NKAIN3: variants seen among roughly 807,000 people sequenced by gnomAD.
The protein encoded by NKAIN3 is sodium/potassium-transporting ATPase subunit beta-1-interacting protein 3.
NKAIN3 carries 25 observed loss-of-function variants against 30.2 expected under a neutral mutation model. The ratio of observed to expected loss-of-function variants is 0.83; its 90% CI spans 0.60 to 1.16. The LOEUF (loss-of-function observed/expected upper bound fraction) is 1.16, where lower values mean the gene tolerates loss of function less well. Ranked by LOEUF, NKAIN3 falls within the 50% of genes most tolerant of loss-of-function variation. The probability of loss-of-function intolerance (pLI) is 0.00; values close to 1 mark genes in which losing one functional copy is unlikely to be tolerated. For missense variants in NKAIN3, 225 were observed against 254.1 expected, an observed-to-expected ratio of 0.89 and a Z score of 0.78; for synonymous variants, 91 against 89.6, an observed-to-expected ratio of 1.02 and a Z score of -0.09.
intron 6 of NKAIN3, among the ~76,000 whole-genome samples, chr8:62,963,320 TC>T (rs1412245126): frequency 6.6e-6 from 1 of 152,212 alleles, no homozygotes; most frequent in Non-Finnish European, 1.5e-5. Flanking sequence ...CAGACATGTT[TC>T]CCAGCTCCTG....
intron 1 of NKAIN3, among the ~76,000 whole-genome samples, chr8:62,408,404 TTTACTCTCACC>T (rs1804142462): frequency 6.6e-6 from 1 of 152,130 alleles, no homozygotes; most frequent in Non-Finnish European, 1.5e-5. Flanking sequence ...AACTGGTGAT[TTTACTCTCACC>T]TGTAGAGTAT....
chr8:62,756,069 A>AT (rs1303724858), intron 4 of NKAIN3, among the ~76,000 whole-genome samples: 9 of 152,292 alleles, frequency 5.9e-5, no homozygotes, highest in African/African-American at 1.9e-4. Context: ...ATGTGTATAC[A>AT]TTTTTGTCAG....
At chr8:62,340,241 G>A (rs1186814948) in intron 1 of NKAIN3, among the ~76,000 whole-genome samples, 3 of 151,972 alleles carry the variant, frequency 2.0e-5, no homozygotes, top group African/African-American at 7.2e-5. Flanking sequence ...GGCAGGGGAA[G>A]GCAGCCAGGA....
At chr8:62,646,589 A>G (rs1444455968) in intron 3 of NKAIN3, among the ~76,000 whole-genome samples, 1 of 152,158 alleles carries the variant, frequency 6.6e-6, no homozygotes, top group Admixed American at 6.6e-5. Flanking sequence ...TCCACTTTGA[A>G]CAGGCTTAGC....
At chr8:62,777,923 A>G (rs1817237921) in intron 4 of NKAIN3, among the ~76,000 whole-genome samples, 1 of 152,172 alleles carries the variant, frequency 6.6e-6, no homozygotes, top group African/African-American at 2.4e-5. Context: ...ATTAGGAGAC[A>G]TTCCAAGCCC....
At chr8:62,416,863 G>A (rs539441565) in intron 1 of NKAIN3, among the ~76,000 whole-genome samples, 37 of 151,698 alleles carry the variant, frequency 2.4e-4, no homozygotes, top group South Asian at 1.9e-3. Flanking sequence ...GCATGGTGGC[G>A]CACCAGTAAT....
intron 3 of NKAIN3, among the ~76,000 whole-genome samples, chr8:62,708,362 G>C (rs940035970): frequency 6.6e-6 from 1 of 152,050 alleles, no homozygotes; most frequent in African/African-American, 2.4e-5. Context: ...ATGAGCATGG[G>C]ATGTGTTTCC....
At chr8:62,935,032 C>T (rs966373356) in intron 5 of NKAIN3, among the ~76,000 whole-genome samples, 24 of 152,086 alleles carry the variant, frequency 1.6e-4, no homozygotes, top group African/African-American at 5.6e-4. Flanking sequence ...TCCTAAGAGA[C>T]CTTTATGCAG....
chr8:62,404,088 C>T (rs1585769827), intron 1 of NKAIN3, among the ~76,000 whole-genome samples: 2 of 152,274 alleles, frequency 1.3e-5, no homozygotes, highest in South Asian at 2.1e-4. Context: ...TCACATGGGG[C>T]CCGTAGCCCC....
At chr8:62,853,230 A>G (rs1188821187) in intron 4 of NKAIN3, among the ~76,000 whole-genome samples, 1 of 151,904 alleles carries the variant, frequency 6.6e-6, no homozygotes, top group Admixed American at 6.6e-5. Flanking sequence ...GTCTCTTTTG[A>G]TCTTTGTTGG....
At chr8:62,436,453 CAG>C (rs1805177178) in intron 1 of NKAIN3, among the ~76,000 whole-genome samples, 1 of 152,112 alleles carries the variant, frequency 6.6e-6, no homozygotes. Context: ...TTGAATGAGA[CAG>C]AGTAAAGCTG....
At chr8:62,462,077 G>A (rs1437792741) in intron 1 of NKAIN3, among the ~76,000 whole-genome samples, 1 of 152,150 alleles carries the variant, frequency 6.6e-6, no homozygotes, top group Non-Finnish European at 1.5e-5. Flanking sequence ...TTTGAAAGGA[G>A]CAAAATAAAG....
intron 5 of NKAIN3, among the ~76,000 whole-genome samples, chr8:62,923,784 C>T (rs965500455): frequency 9.2e-5 from 14 of 152,116 alleles, no homozygotes; most frequent in Non-Finnish European, 1.6e-4. Flanking sequence ...GTAACCTCGG[C>T]CACCCCACAC....
intron 5 of NKAIN3, among the ~76,000 whole-genome samples, chr8:62,944,404 C>T (rs1038882692): frequency 3.3e-5 from 5 of 152,122 alleles, no homozygotes; most frequent in African/African-American, 1.2e-4. Flanking sequence ...TTTTCACATA[C>T]ATTTTAGAAA....
chr8:62,476,332 A>G (rs1806517342), intron 1 of NKAIN3, among the ~76,000 whole-genome samples: 1 of 152,134 alleles, frequency 6.6e-6, no homozygotes, highest in African/African-American at 2.4e-5. Context: ...TGAAACTGTT[A>G]TTGTGGAAGC....
At chr8:62,519,983 C>CT (rs1200840586) in intron 1 of NKAIN3, among the ~76,000 whole-genome samples, 9 of 151,984 alleles carry the variant, frequency 5.9e-5, no homozygotes, top group East Asian at 3.9e-4. Context: ...CAGTATTTTC[C>CT]TTTTTTTTGC....
intron 4 of NKAIN3, among the ~76,000 whole-genome samples, chr8:62,908,183 A>C (rs1359718394): frequency 6.6e-6 from 1 of 152,180 alleles, no homozygotes; most frequent in Non-Finnish European, 1.5e-5. Context: ...TTGGACTTCC[A>C]AGGGGCCTGT....
chr8:62,769,833 C>T (rs575003648), intron 4 of NKAIN3, among the ~76,000 whole-genome samples: 1 of 152,280 alleles, frequency 6.6e-6, no homozygotes, highest in Admixed American at 6.5e-5. Flanking sequence ...ACAGTCCTCT[C>T]TGAAAAGCTT....
Position 62,578,927 on chromosome 8 carries a change from T to A in NKAIN3, c.55-612T>A, listed in dbSNP as rs1398538737. Among the ~76,000 whole-genome samples the A allele has an allele frequency of 3.9e-5, 6 of 151,916 alleles. No homozygotes were observed. The East Asian group carries it at 1.2e-3, about 29-fold the overall frequency. Reference sequence around the variant, plus strand: ...GAGGAAAAGATAAAATGAGGATGGTTAATAAATGCAAAAATAGAGGTAGAT... The same window carrying A: ...GAGGAAAAGATAAAATGAGGATGGTAAATAAATGCAAAAATAGAGGTAGAT... On this transcript the variant is annotated intron_variant, in intron 1 of 6. Coordinates refer to ENST00000623646, the MANE Select transcript of NKAIN3 (RefSeq NM_001304533.3).
Sources: allele counts gnomAD v4.1 joint callset (sites outside exome capture counted in the v4.1 genomes callset), GRCh38; gene constraint gnomAD v4.1.1; transcripts MANE v1.5; gene names NCBI Gene and HGNC (gene_info 2026-07-23, HGNC 2026-07-21).